DNAH5: variants seen among roughly 807,000 people sequenced by gnomAD.
DNAH5 encodes dynein axonemal heavy chain 5.
A neutral mutation model predicts 518.2 loss-of-function variants in DNAH5; 372 were observed. The ratio of observed to expected loss-of-function variants is 0.72; its 90% confidence interval spans 0.66 to 0.78. DNAH5 has a LOEUF of 0.78. Among genes scored for constraint, DNAH5 ranks in the 30% least tolerant of loss-of-function variants. The probability of loss-of-function intolerance (pLI) is 0.00; values close to 1 mark genes in which losing one functional copy is unlikely to be tolerated. For synonymous variants in DNAH5, 2,039 were observed against 2,025.9 expected (o/e 1.01, Z -0.17); for missense variants, 5,523 against 5,687.0 (o/e 0.97, Z 0.93).
At position 13,944,441 on chromosome 5, in the gene DNAH5, T is replaced by C. The variant is rs772648620; in HGVS notation, c.-3A>G. ...TGTCTCCTCCCAATCCTAAACATTG[T>C]AGCCGTGCATGGACAGGCTGGAGTC... On this transcript the variant is annotated 5_prime_UTR_variant, in exon 1 of 79. Coordinates refer to ENST00000265104, the MANE Select transcript of DNAH5 (RefSeq NM_001369.3). The C allele has an allele frequency of 9.3e-6, 15 of 1,612,880 alleles. No individual in the cohort carries two copies. The highest frequency in any genetic ancestry group is 1.7e-5 in the Admixed American group (1 of 59,982).
At position 13,979,281 on chromosome 5, in the gene DNAH5, T is replaced by C. The variant is rs201365452; in HGVS notation, c.12+32367A>G. On this transcript the variant is annotated intron_variant, in intron 1 of 78. Coordinates refer to the DNAH5 transcript ENST00000681290. ...CACCCACCTTATTCAAAATTTCAAT[T>C]CCCCCCACCATACACGCTTGAGGCT... is the stretch of plus-strand genomic sequence containing the variant. Among the ~76,000 whole-genome samples the C allele has an allele frequency of 2.7e-3, 405 of 151,992 alleles. 1 individual carries two copies. Among genetic ancestry groups the C allele is most frequent in the African/African-American group, 9.3e-3 (385 of 41,454 alleles).
chr5:14,002,996 A>G (rs1363041808), intron 1 of DNAH5, among the ~76,000 whole-genome samples: 1 of 152,204 alleles, frequency 6.6e-6, no homozygotes, highest in African/African-American at 2.4e-5. Context: ...AAACAAAAGA[A>G]TGTACAACTT....
intron 47 of DNAH5, among the ~76,000 whole-genome samples, chr5:13,798,078 T>C (rs1758116681): frequency 6.6e-6 from 1 of 151,746 alleles, no homozygotes; most frequent in Non-Finnish European, 1.5e-5. Context: ...GGGGGAGGGA[T>C]AGCATTAGGA....
intron 16 of DNAH5, 119 bp downstream of exon 16, chr5:13,894,531 T>C: frequency 8.9e-7 from 1 of 1,120,282 alleles, no homozygotes. Context: ...ATGAAACAGC[T>C]TAAGAATAAC....
chr5:14,002,516 A>T (rs1561070704), intron 1 of DNAH5, among the ~76,000 whole-genome samples: 1 of 152,184 alleles, frequency 6.6e-6, no homozygotes, highest in Admixed American at 6.5e-5. Flanking sequence ...AAAAAAAATG[A>T]AGTTTATTTA....
At chr5:13,971,957 C>T (rs1024305267) in intron 1 of DNAH5, among the ~76,000 whole-genome samples, 2 of 152,006 alleles carry the variant, frequency 1.3e-5, no homozygotes, top group Admixed American at 1.3e-4. Context: ...CAGTGTTAGG[C>T]GTGTCTGAGC....
chr5:13,904,560 A>T (rs938589465), intron 12 of DNAH5, among the ~76,000 whole-genome samples: 1 of 151,294 alleles, frequency 6.6e-6, no homozygotes, highest in Admixed American at 6.6e-5. Context: ...TGTTTGTATT[A>T]TACGTATATA....
At chr5:13,776,824 A>G in intron 54 of DNAH5, 118 bp from the exon 55 acceptor site, 1 of 1,139,548 alleles carries the variant, frequency 8.8e-7, no homozygotes. Context: ...CACCTACAGA[A>G]AATTGAAAGT....
intron 1 of DNAH5, among the ~76,000 whole-genome samples, chr5:13,956,935 G>A (rs188792522): frequency 6.6e-6 from 1 of 152,290 alleles, no homozygotes; most frequent in Admixed American, 6.5e-5. Context: ...TATTTGTAGT[G>A]CAGGGATGTC....
upstream of DNAH5, among the ~76,000 whole-genome samples, chr5:13,944,834 G>A (rs984469072): frequency 1.2e-4 from 19 of 152,304 alleles, no homozygotes; most frequent in Admixed American, 1.0e-3. Flanking sequence ...AATAAGCATT[G>A]AGTCAACAGT....
At chr5:13,960,388 C>T (rs1368479574) in intron 1 of DNAH5, among the ~76,000 whole-genome samples, 1 of 152,166 alleles carries the variant, frequency 6.6e-6, no homozygotes, top group African/African-American at 2.4e-5. Flanking sequence ...AACTAATATC[C>T]CTTTTTCAGA....
intron 35 of DNAH5, among the ~76,000 whole-genome samples, chr5:13,832,572 C>CTT (rs1308805251): frequency 2.0e-5 from 3 of 152,164 alleles, no homozygotes; most frequent in Non-Finnish European, 4.4e-5. Context: ...AGGGTTTGAA[C>CTT]TTTATGTGTT....
At chr5:13,718,579 A>G (rs1052561086) in intron 72 of DNAH5, among the ~76,000 whole-genome samples, 1 of 152,196 alleles carries the variant, frequency 6.6e-6, no homozygotes, top group African/African-American at 2.4e-5. Flanking sequence ...TTAAGTATGG[A>G]GCATAAAGAC....
At chr5:13,824,953 C>T (rs569814959) in intron 38 of DNAH5, among the ~76,000 whole-genome samples, 1 of 152,134 alleles carries the variant, frequency 6.6e-6, no homozygotes, top group East Asian at 1.9e-4. Context: ...TTTATTTATC[C>T]AATTATTGTG....
chr5:13,964,143 A>G (rs1465451894), intron 1 of DNAH5, among the ~76,000 whole-genome samples: 1 of 152,232 alleles, frequency 6.6e-6, no homozygotes, highest in Non-Finnish European at 1.5e-5. Flanking sequence ...AACTGTAAAT[A>G]AAGCTAACTT....
intron 70 of DNAH5, among the ~76,000 whole-genome samples, chr5:13,722,934 T>C (rs1405700358): frequency 6.6e-6 from 1 of 152,164 alleles, no homozygotes; most frequent in Non-Finnish European, 1.5e-5. Context: ...GAACAAGAAA[T>C]GGTGGTCAGG....
chr5:13,957,244 C>G (rs1780821579), intron 1 of DNAH5, among the ~76,000 whole-genome samples: 5 of 152,216 alleles, frequency 3.3e-5, no homozygotes. Flanking sequence ...CAGCTGACTA[C>G]TAGTGGAGGT....
At chr5:13,718,418 C>T (rs889209269) in intron 72 of DNAH5, among the ~76,000 whole-genome samples, 2 of 152,136 alleles carry the variant, frequency 1.3e-5, no homozygotes, top group Non-Finnish European at 2.9e-5. Context: ...AGAGAGCGAC[C>T]TCAGCCCCAG....
In DNAH5 at chr5:13,774,345, C is replaced by T. The variant is rs933349810; in HGVS notation, c.9373+2094G>A. 2.6e-5 allele frequency among the ~76,000 whole-genome samples: 4 copies of T among 152,042 alleles called. No individual in the cohort carries two copies. In the East Asian group the frequency reaches 7.7e-4, roughly 29 times the overall value. ...CCTAGTTTGATGAGCGATAATGGCC[C>T]TTCCTGAAAGGGGGAGACAATTTGA... On this transcript the variant is annotated intron_variant, in intron 55 of 78. Transcript: ENST00000265104.
Sources: allele counts gnomAD v4.1 joint callset (sites outside exome capture counted in the v4.1 genomes callset), GRCh38; gene constraint gnomAD v4.1.1; transcripts MANE v1.5; gene names NCBI Gene and HGNC (gene_info 2026-07-23, HGNC 2026-07-21).